The following MSS51 variants were observed in gnomAD, a reference collection of about 807,000 sequenced individuals.
The protein encoded by MSS51 is putative protein MSS51 homolog, mitochondrial.
MSS51 carries 32 observed loss-of-function variants against 40.2 expected under a neutral mutation model. The ratio of observed to expected loss-of-function variants is 0.80; its 90% CI spans 0.60 to 1.07. The LOEUF (loss-of-function observed/expected upper bound fraction) is 1.07, where lower values mean the gene tolerates loss of function less well. Among genes scored for constraint, MSS51 ranks in the 50% least tolerant of loss-of-function variants. The pLI is 0.00. For synonymous variants in MSS51, 178 were observed against 214.2 expected (o/e 0.83, Z 1.48); for missense variants, 518 against 568.9 (o/e 0.91, Z 0.91).
chr10:73,428,212 T>G lies in MSS51; in HGVS notation c.73A>C (p.Thr25Pro). 6.2e-7 allele frequency: 1 copy of G among 1,614,072 alleles called. No individual in the cohort carries two copies. The highest frequency in any genetic ancestry group is 8.5e-7 in the Non-Finnish European group (1 of 1,179,994). ...AGAGGCACAGGGGTCACAATTGTGG[T>G]TGGGGCCATGATGATGGGAGCCACT... ...SSVAPIIMAP[T>P]TIVTPVPLTP... The change falls in exon 2 of 7, where the codon ACC becomes CCC. Residue 25 changes from threonine to proline, a missense_variant. Coordinates refer to ENST00000299432, the MANE Select transcript of MSS51 (RefSeq NM_001024593.2).
chr10:73,428,205 A>G lies in MSS51; in HGVS notation c.80T>C (p.Ile27Thr), dbSNP rs763372575. Residue 27 changes from isoleucine to threonine, a missense_variant, in exon 2 of 7, where the codon ATT (isoleucine) becomes ACT (threonine). Coordinates refer to ENST00000299432, the MANE Select transcript of MSS51 (RefSeq NM_001024593.2). ...VAPIIMAPTT[I>T]VTPVPLTPSK... ...GGGGGTCAGAGGCACAGGGGTCACA[A>G]TTGTGGTTGGGGCCATGATGATGGG... 2 of 1,614,074 alleles carry G rather than the reference A, an allele frequency of 1.2e-6. No homozygotes were observed. Among genetic ancestry groups the G allele is most frequent in the Admixed American group, 1.7e-5 (1 of 60,010 alleles).
At chr10:73,427,272 CTTTTTTTTTTT>C (rs1163470061) in intron 3 of MSS51, among the ~76,000 whole-genome samples, 2 of 86,074 alleles carry the variant, frequency 2.3e-5, no homozygotes, top group East Asian at 3.4e-4. Context: ...AAGGTCATTG[CTTTTTTTTTTT>C]TTTTTTTTTT....
chr10:73,428,860 C>CAT (rs1164401118), intron 1 of MSS51, among the ~76,000 whole-genome samples: 231 of 151,218 alleles, frequency 1.5e-3, no homozygotes, highest in African/African-American at 4.1e-3. Context: ...TATACACACA[C>CAT]ATATATATAT....
chr10:73,432,935 G>C (rs2056039285), intron 1 of MSS51, among the ~76,000 whole-genome samples: 1 of 152,134 alleles, frequency 6.6e-6, no homozygotes, highest in South Asian at 2.1e-4. Flanking sequence ...GGAGAAGCTG[G>C]AAAGAATTGC....
intron 1 of MSS51, among the ~76,000 whole-genome samples, chr10:73,432,869 T>A (rs1472992667): frequency 6.6e-6 from 1 of 152,162 alleles, no homozygotes; most frequent in Non-Finnish European, 1.5e-5. Flanking sequence ...CCCAGGCTAC[T>A]CCCTGTTCAC....
In MSS51 at chr10:73,428,208, G is replaced by T. The variant is rs2056004249; in HGVS notation, c.77C>A (p.Thr26Lys). Residue 26 changes from threonine to lysine, a missense_variant, in exon 2 of 7, where the codon ACA becomes AAA. Coordinates refer to ENST00000299432, the MANE Select transcript of MSS51 (RefSeq NM_001024593.2). Reference protein sequence around the residue: ...SVAPIIMAPTTIVTPVPLTPS... With the variant: ...SVAPIIMAPTKIVTPVPLTPS... The stretch of plus-strand genomic sequence containing the variant: ...GGTCAGAGGCACAGGGGTCACAATT[G>T]TGGTTGGGGCCATGATGATGGGAGC... The T allele has an allele frequency of 1.2e-6, 2 of 1,614,026 alleles. No homozygotes were observed. Among genetic ancestry groups the T allele is most frequent in the Admixed American group, 1.7e-5 (1 of 60,006 alleles).
intron 3 of MSS51, among the ~76,000 whole-genome samples, chr10:73,427,402 C>T (rs941875590): frequency 6.6e-6 from 1 of 151,172 alleles, no homozygotes; most frequent in Non-Finnish European, 1.5e-5. Context: ...CTCAGCCTCT[C>T]GAGTAGCTGA....
chr10:73,428,777 G>A (rs1177419485), intron 1 of MSS51, among the ~76,000 whole-genome samples: 3 of 151,406 alleles, frequency 2.0e-5, no homozygotes, highest in Non-Finnish European at 4.4e-5. Flanking sequence ...TTGAGCCACC[G>A]CACCCAGCCA....
chr10:73,432,180 A>T (rs1193084846), intron 1 of MSS51, among the ~76,000 whole-genome samples: 2 of 152,168 alleles, frequency 1.3e-5, no homozygotes, highest in African/African-American at 4.8e-5. Context: ...CTGGGATTAC[A>T]GGCTCGCGCC....
At chr10:73,433,447 G>C (rs1218090482) in intron 1 of MSS51, 66 bp downstream of exon 1, 1 of 152,046 alleles carries the variant, frequency 6.6e-6, no homozygotes, top group African/African-American at 2.4e-5. Flanking sequence ...CACTGCCTGG[G>C]GTGATAAATA....
rs767938067 is a variant in MSS51 at position 73,426,093 on chromosome 10, T to C, written c.787A>G (p.Ser263Gly). 4 of 1,614,218 alleles carry C rather than the reference T, an allele frequency of 2.5e-6. No homozygotes were observed. The Admixed American group carries it at 5.0e-5, about 20-fold the overall frequency. The stretch of plus-strand genomic sequence containing the variant: ...GAAGCACCAACCACATGCACTGTGC[T>C]TCCCCCAGTCCTCCTAACATCTATC... ...LGIDVRRTGG[S>G]TVHVVGASHV... is the part of the protein sequence containing the mutation. Residue 263 changes from serine (S) to glycine (G), a missense_variant, in exon 5 of 7, where the codon AGC (serine) becomes GGC (glycine). Ser to Gly is a moderately conservative substitution (Grantham distance 56). Transcript: ENST00000299432.
In MSS51 at chr10:73,426,044, C is replaced by T. The variant is rs778746494; in HGVS notation, c.836G>A (p.Arg279His). The T allele has an allele frequency of 1.1e-5, 17 of 1,614,052 alleles. No homozygotes were observed. The South Asian group carries it at 1.3e-4, about 13-fold the overall frequency. The change falls in exon 5 of 7, where the codon CGC becomes CAC. Residue 279 changes from arginine to histidine, a missense_variant. Coordinates refer to ENST00000299432, the MANE Select transcript of MSS51 (RefSeq NM_001024593.2). ...ACCAAGCTCATCATAGTCCCCTGGG[C>T]GAGTAAGAAATGTCTCCACATGGGA... Reference protein sequence around the residue: ...GASHVETFLTRPGDYDELGYM... With the variant: ...GASHVETFLTHPGDYDELGYM...
intron 5 of MSS51, among the ~76,000 whole-genome samples, 189 bp downstream of exon 5, chr10:73,425,622 A>C (rs2132720773): frequency 6.6e-6 from 1 of 150,730 alleles, no homozygotes; most frequent in Non-Finnish European, 1.5e-5. Context: ...AGATCGCGCC[A>C]CTGCACTCCA....
At position 73,426,716 on chromosome 10, in the gene MSS51, A is replaced by G; in HGVS notation, c.393T>C (p.Tyr131=). 1 of 1,614,138 alleles carries G rather than the reference A, an allele frequency of 6.2e-7. No individual in the cohort carries two copies. Among genetic ancestry groups the G allele is most frequent in the Non-Finnish European group, 8.5e-7 (1 of 1,180,008 alleles). ...ACTTCTGGCACTCTGGACCACAGTA[A>G]TAGACATTTCTGCACCTGAGAGAAT... ...LRHCKRCRNV[Y]YCGPECQKSD... is the part of the protein sequence containing the mutation. Residue 131 remains tyrosine, a synonymous_variant, in exon 4 of 7, where the codon TAT becomes TAC. Transcript: ENST00000299432.
At chr10:73,432,382 T>A (rs889334698) in intron 1 of MSS51, among the ~76,000 whole-genome samples, 4 of 151,902 alleles carry the variant, frequency 2.6e-5, no homozygotes, top group Admixed American at 2.0e-4. Context: ...TTTTTTTTTT[T>A]AAATAGGTAT....
At position 73,425,877 on chromosome 10, in the gene MSS51, A is replaced by C; in HGVS notation, c.1003T>G (p.Phe335Val). ...CCGGTCTCTACTTGCTCCTCCCAGA[A>C]GTCATGGTAGAGGCCCCTGTGGGCA... ...LSAHRGLYHD[F>V]WEEQVETGQT... Residue 335 changes from phenylalanine (F) to valine (V), a missense_variant, in exon 5 of 7, where the codon TTC becomes GTC. Transcript: ENST00000299432. 3 of 1,614,094 alleles carry C rather than the reference A, an allele frequency of 1.9e-6. No individual in the cohort carries two copies. The highest frequency in any genetic ancestry group is 3.3e-5 in the Admixed American group (2 of 60,010).
intron 1 of MSS51, among the ~76,000 whole-genome samples, chr10:73,431,341 G>A (rs2056027737): frequency 6.6e-6 from 1 of 152,114 alleles, no homozygotes; most frequent in East Asian, 1.9e-4. Flanking sequence ...AGATTGAGAG[G>A]CTAAAAAGTT....
In MSS51 at chr10:73,425,151, G is replaced by C; in HGVS notation, c.1110C>G (p.Pro370=). The change falls in exon 6 of 7, where the codon CCC becomes CCG. Residue 370 remains proline (P), a synonymous_variant. Coordinates refer to ENST00000299432, the MANE Select transcript of MSS51 (RefSeq NM_001024593.2). The part of the protein sequence containing the change: ...SSPDLMEAWL[P]TLLLLRDYKI... ...TATAGTCACGAAGTAGCAGCAGGGTGGGCAGCCAAGCCTCCATCAAGTCTG... is the reference window on the plus strand; with the variant it reads ...TATAGTCACGAAGTAGCAGCAGGGTCGGCAGCCAAGCCTCCATCAAGTCTG... 6.2e-7 allele frequency: 1 copy of C among 1,607,642 alleles called. No individual in the cohort carries two copies. Among genetic ancestry groups the C allele is most frequent in the Non-Finnish European group, 8.5e-7 (1 of 1,177,950 alleles).
chr10:73,424,897 G>T, intron 6 of MSS51, 125 bp from the exon 7 acceptor site: 1 of 832,162 alleles, frequency 1.2e-6, no homozygotes. Flanking sequence ...GACTAGGCAA[G>T]GGCTATCTTT....
Sources: allele counts gnomAD v4.1 joint callset (sites outside exome capture counted in the v4.1 genomes callset), GRCh38; gene constraint gnomAD v4.1.1; transcripts MANE v1.5; gene names NCBI Gene and HGNC (gene_info 2026-07-23, HGNC 2026-07-21).